Variants in SMG1 observed in about 807,000 individuals in gnomAD.
SMG1 encodes the protein SMG1 nonsense mediated mRNA decay associated PI3K related kinase, also known as serine/threonine-protein kinase SMG1.
SMG1 carries 22 observed loss-of-function variants against 419.9 expected under a neutral mutation model. The ratio of observed to expected loss-of-function variants is 0.05; its 90% CI spans 0.04 to 0.07. The LOEUF (loss-of-function observed/expected upper bound fraction) is 0.07, where lower values mean the gene tolerates loss of function less well. Among genes scored for constraint, SMG1 ranks in the 10% least tolerant of loss-of-function variants. The pLI is 1.00. For synonymous variants in SMG1, 1,538 were observed against 1,553.5 expected (o/e 0.99, Z 0.23); for missense variants, 3,185 against 4,342.0 (o/e 0.73, Z 7.49).
At chr16:18,900,764 A>G (rs964159917) in intron 1 of SMG1, among the ~76,000 whole-genome samples, 11 of 152,220 alleles carry the variant, frequency 7.2e-5, no homozygotes, top group African/African-American at 2.2e-4. Context: ...AGTAGCAAAG[A>G]TAGTCTCACT....
At position 18,853,678 on chromosome 16, in the gene SMG1, A is replaced by G. The variant is rs1171024937; in HGVS notation, c.4673T>C (p.Leu1558Pro). The change falls in exon 31 of 63, where the codon CTT (leucine) becomes CCT (proline). Residue 1558 changes from leucine (L) to proline (P), a missense_variant. By Grantham distance (98) the Leu-to-Pro change is moderately conservative (BLOSUM62 -3). This residue lies in a region of SMG1 where 493 missense variants were observed against 552.9 expected (regional missense o/e 0.89). Transcript: ENST00000446231. The part of the protein sequence containing the change: ...RAQHQQNFTG[L>P]STLSKNILTL... ...GAGTATGTTTTTAGACAAAGTAGAA[A>G]GACCTGTGAAGTTCTGTTGGTGCTG... 16 of 1,613,424 alleles carry G rather than the reference A, an allele frequency of 9.9e-6. No individual in the cohort carries two copies. The highest frequency in any genetic ancestry group is 1.4e-5 in the Non-Finnish European group (16 of 1,179,716).
At position 18,841,798 on chromosome 16, in the gene SMG1, T is replaced by C. The variant is rs1212232077; in HGVS notation, c.6467-4A>G. On this transcript the variant is annotated splice_polypyrimidine_tract_variant and splice_region_variant and intron_variant, in intron 40 of 62. Coordinates refer to ENST00000446231, the MANE Select transcript of SMG1 (RefSeq NM_015092.5). The stretch of plus-strand genomic sequence containing the variant: ...TCCAGATGTAAATCCTCCAGTCCTA[T>C]GAAAACAAAATTAAAATAGCTAGGA... The C allele has an allele frequency of 1.9e-6, 3 of 1,612,196 alleles. No homozygotes were observed. Among genetic ancestry groups the C allele is most frequent in the African/African-American group, 1.3e-5 (1 of 74,994 alleles).
chr16:18,888,498 C>A lies in SMG1; in HGVS notation c.822+874G>T, dbSNP rs2036736690. On this transcript the variant is annotated intron_variant, in intron 6 of 62. Transcript: ENST00000446231. ...AAATCCTTTTTTTTTTTTTTTGAGACAGAGTCTGGCTCTGTTGCCCAGGCA... is the reference window on the plus strand; with the variant it reads ...AAATCCTTTTTTTTTTTTTTTGAGAAAGAGTCTGGCTCTGTTGCCCAGGCA... Among the ~76,000 whole-genome samples, 3 of 147,418 alleles carry A rather than the reference C, an allele frequency of 2.0e-5. No homozygotes were observed. The South Asian group carries it at 6.5e-4, about 32-fold the overall frequency.
chr16:18,870,177 T>A (rs2035739150), intron 18 of SMG1, among the ~76,000 whole-genome samples, 183 bp from the exon 19 acceptor site: 1 of 152,176 alleles, frequency 6.6e-6, no homozygotes. Context: ...CTCAGATGGG[T>A]AATGTGCTGA....
Position 18,842,374 on chromosome 16 carries a change from A to G in SMG1, c.6300T>C (p.Ala2100=), listed in dbSNP as rs367550032. 1 of 1,613,886 alleles carries G rather than the reference A, an allele frequency of 6.2e-7. No individual in the cohort carries two copies. Among genetic ancestry groups the G allele is most frequent in the Non-Finnish European group, 8.5e-7 (1 of 1,179,876 alleles). The change falls in exon 40 of 63, where the codon GCT becomes GCC. Residue 2100 remains alanine (A), a synonymous_variant. Coordinates refer to ENST00000446231, the MANE Select transcript of SMG1 (RefSeq NM_015092.5). The part of the protein sequence containing the change: ...LRLEEISPWL[A]AMTNTEIALP... ...GAGCAATTTCAGTGTTAGTCATGGCAGCCAACCATGGACTGATTTCTTCAA... is the reference window on the plus strand; with the variant it reads ...GAGCAATTTCAGTGTTAGTCATGGCGGCCAACCATGGACTGATTTCTTCAA...
chr16:18,875,776 G>T (rs1277228293), intron 13 of SMG1: 2 of 334,112 alleles, frequency 6.0e-6, no homozygotes, highest in African/African-American at 4.3e-5. Flanking sequence ...GAAGAAGAAA[G>T]AGACCGCATT....
chr16:18,836,976 AC>A (rs937381626), intron 46 of SMG1, among the ~76,000 whole-genome samples: 1 of 152,194 alleles, frequency 6.6e-6, no homozygotes, highest in Non-Finnish European at 1.5e-5. Flanking sequence ...TAATGAGAAA[AC>A]CAAAACCCAG....
chr16:18,867,658 ATTGTT>A (rs1044329731), intron 22 of SMG1, among the ~76,000 whole-genome samples: 5 of 145,852 alleles, frequency 3.4e-5, no homozygotes, highest in African/African-American at 1.3e-4. Flanking sequence ...TAACATGAAT[ATTGTT>A]TTAACATAAA....
chr16:18,900,088 A>C, intron 1 of SMG1: 1 of 986,414 alleles, frequency 1.0e-6, no homozygotes. Context: ...AGTGGGTTAA[A>C]ACATTTGTTG....
At chr16:18,847,312 G>A in intron 38 of SMG1, 141 bp downstream of exon 38, 1 of 827,500 alleles carries the variant, frequency 1.2e-6, no homozygotes, top group Admixed American at 2.4e-5. Flanking sequence ...ATGGACCGTG[G>A]TGATGGTTGT....
chr16:18,829,771 A>T lies in SMG1; in HGVS notation c.9134-16T>A, dbSNP rs767738055. ...GAACTTGATCCTACAAAAAGGAAAA[A>T]TTTCTTGTATTTCATGAAAAAAATC... On this transcript the variant is annotated splice_polypyrimidine_tract_variant and intron_variant, in intron 53 of 62. Coordinates refer to ENST00000446231, the MANE Select transcript of SMG1 (RefSeq NM_015092.5). The T allele has an allele frequency of 2.5e-6, 4 of 1,573,712 alleles. No individual in the cohort carries two copies. The highest frequency in any genetic ancestry group is 3.5e-6 in the Non-Finnish European group (4 of 1,158,950).
chr16:18,905,126 T>G (rs1331603780), intron 1 of SMG1, among the ~76,000 whole-genome samples: 1 of 151,556 alleles, frequency 6.6e-6, no homozygotes. Context: ...CCGGGTATGG[T>G]GGTGGGCGCC....
intron 22 of SMG1, among the ~76,000 whole-genome samples, chr16:18,867,534 T>TAAAC (rs1436012431): frequency 8.3e-6 from 1 of 120,272 alleles, no homozygotes; most frequent in African/African-American, 3.9e-5. Context: ...AAAAAATAAA[T>TAAAC]AAATAAATAA....
At chr16:18,815,346 G>A in intron 59 of SMG1, 65 bp from the exon 60 acceptor site, 1 of 1,543,022 alleles carries the variant, frequency 6.5e-7, no homozygotes, top group Non-Finnish European at 8.9e-7. Context: ...ATAAAAATAT[G>A]AACAAAACTG....
At chr16:18,895,350 G>A (rs913452425) in intron 3 of SMG1, among the ~76,000 whole-genome samples, 4 of 152,032 alleles carry the variant, frequency 2.6e-5, no homozygotes, top group African/African-American at 9.7e-5. Flanking sequence ...GTGGTGGCAT[G>A]CACCTGTAAC....
At chr16:18,908,193 C>T (rs2037646080) in intron 1 of SMG1, among the ~76,000 whole-genome samples, 1 of 151,890 alleles carries the variant, frequency 6.6e-6, no homozygotes, top group South Asian at 2.1e-4. Context: ...TGGTGAAACC[C>T]AGTCTCTACT....
chr16:18,845,490 T>C lies in SMG1; in HGVS notation c.6158A>G (p.Glu2053Gly). Residue 2053 changes from glutamate to glycine, a missense_variant, in exon 39 of 63, where the codon GAA becomes GGA. Glu to Gly is a moderately conservative substitution (Grantham distance 98, BLOSUM62 -2). Coordinates refer to ENST00000446231, the MANE Select transcript of SMG1 (RefSeq NM_015092.5). The stretch of plus-strand genomic sequence containing the variant: ...AGGGTTCAATGGAGTCTTCAGTTTT[T>C]CTAGGGCATTTTCAATGGCATCACC... ...NYGDAIENALEKLKTPLNPAK... is the reference protein window; with the variant it reads ...NYGDAIENALGKLKTPLNPAK... 6.2e-7 allele frequency: 1 copy of C among 1,614,022 alleles called. No individual in the cohort carries two copies. The highest frequency in any genetic ancestry group is 1.1e-5 in the South Asian group (1 of 91,088).
chr16:18,821,524 G>A (rs1201280651), intron 55 of SMG1, among the ~76,000 whole-genome samples: 3 of 5,828 alleles, frequency 5.1e-4, no homozygotes, highest in East Asian at 3.7e-3. Context: ...TTGTTCTTGC[G>A]ATAGTTTACT....
intron 45 of SMG1, 99 bp downstream of exon 45, chr16:18,837,915 C>G: frequency 7.4e-7 from 1 of 1,355,342 alleles, no homozygotes; most frequent in Non-Finnish European, 1.0e-6. Flanking sequence ...TTAGTTTTGC[C>G]AAAAAAATTA....
Sources: gnomAD v4.1 joint callset for allele counts (sites outside exome capture counted in the v4.1 genomes callset) on GRCh38, gnomAD v4.1.1 for gene constraint, gnomAD v4.1.1 regional missense constraint, MANE v1.5 for transcripts, NCBI Gene and HGNC (gene_info 2026-07-23, HGNC 2026-07-21) for gene names.